CYP2A6: variants seen among roughly 807,000 people sequenced by gnomAD.
CYP2A6 encodes cytochrome P450 2A6.
A neutral mutation model predicts 42.3 loss-of-function variants in CYP2A6; 27 were observed. That is an observed-to-expected ratio of 0.64 (90% CI 0.47 to 0.88). The LOEUF (loss-of-function observed/expected upper bound fraction) is 0.88, where lower values mean the gene tolerates loss of function less well. CYP2A6 is among the 40% of genes least tolerant of loss of function. The pLI is 0.00. For synonymous variants in CYP2A6, 238 were observed against 246.3 expected (o/e 0.97, Z 0.31); for missense variants, 628 against 646.0 (o/e 0.97, Z 0.30).
Position 40,845,290 on chromosome 19 carries a change from G to A in CYP2A6, c.1161+4C>T, listed in dbSNP as rs201588233. 5.0e-6 allele frequency: 8 copies of A among 1,611,608 alleles called. No individual in the cohort carries two copies. In the East Asian group the frequency reaches 1.6e-4, roughly 33 times the overall value. ...GTAGTCTGGGGGGTGGGGGCGGATAGCACCTTAGGGAGGAAGAAATCCCGA... is the reference window on the plus strand; with the variant it reads ...GTAGTCTGGGGGGTGGGGGCGGATAACACCTTAGGGAGGAAGAAATCCCGA... On this transcript the variant is annotated splice_donor_region_variant and intron_variant, in intron 7 of 8. Transcript: ENST00000301141.
In CYP2A6 at chr19:40,850,323, G is replaced by A. The variant is rs377713545; in HGVS notation, c.104C>T (p.Pro35Leu). 1.2e-5 allele frequency: 20 copies of A among 1,609,948 alleles called. 1 individual carries two copies. The highest frequency in any genetic ancestry group is 8.8e-5 in the South Asian group (8 of 90,788). ...QQRKSKGKLP[P>L]GPTPLPFIGN... ...AATGAAGGGCAATGGGGTGGGTCCC[G>A]GAGGCAGCTTCCCCTTGCTCTTCCT... Residue 35 changes from proline (P) to leucine (L), a missense_variant, in exon 1 of 9, where the codon CCG (proline) becomes CTG (leucine). By Grantham distance (98) the Pro-to-Leu change is moderately conservative (BLOSUM62 -3). Transcript: ENST00000301141.
intron 6 of CYP2A6, 97 bp downstream of exon 6, chr19:40,845,859 A>G: frequency 1.3e-6 from 2 of 1,529,918 alleles, no homozygotes; most frequent in East Asian, 2.4e-5. Flanking sequence ...GTCACGTCTC[A>G]GGGTCCCGGG....
At chr19:40,845,823 A>C in intron 6 of CYP2A6, 133 bp downstream of exon 6, 1 of 1,365,142 alleles carries the variant, frequency 7.3e-7, no homozygotes, top group Non-Finnish European at 9.9e-7. Context: ...CTACCAGCTG[A>C]ATGTTGCCCT....
rs560172971 is a variant in CYP2A6, at chr19:40,844,151, A to T, written c.1304-174T>A. Among the ~76,000 whole-genome samples, 4 of 150,946 alleles carry T rather than the reference A, an allele frequency of 2.6e-5. No homozygotes were observed. In the East Asian group the frequency reaches 6.1e-4, roughly 23 times the overall value. ...GAGCCTCAATTTCTTTCTATAAGAGATGTAACAATGGTGAACCAATATTGA... is the reference window on the plus strand; with the variant it reads ...GAGCCTCAATTTCTTTCTATAAGAGTTGTAACAATGGTGAACCAATATTGA... On this transcript the variant is annotated intron_variant, in intron 8 of 8. Transcript: ENST00000301141.
chr19:40,848,591 C>G, intron 3 of CYP2A6, 23 bp downstream of exon 3: 1 of 1,606,642 alleles, frequency 6.2e-7, no homozygotes, highest in Non-Finnish European at 8.5e-7. Context: ...CTCCTGCCCC[C>G]GCACTCGGGG....
chr19:40,848,461 CCT>C (rs1254392942), intron 3 of CYP2A6, 82 bp from the exon 4 acceptor site: 1 of 1,591,940 alleles, frequency 6.3e-7, no homozygotes, highest in African/African-American at 1.4e-5. Flanking sequence ...GGAGGCAGGG[CCT>C]TGTTGAGCCA....
intron 5 of CYP2A6, 72 bp downstream of exon 5, chr19:40,846,803 G>A: frequency 6.3e-7 from 1 of 1,576,078 alleles, no homozygotes; most frequent in Admixed American, 1.7e-5. Context: ...TGTGTCATCT[G>A]CCTGCCCCAC....
intron 5 of CYP2A6, 73 bp from the exon 6 acceptor site, chr19:40,846,170 G>C: frequency 3.2e-6 from 5 of 1,580,858 alleles, no homozygotes; most frequent in Non-Finnish European, 4.3e-6. Context: ...TTTTCCTTTG[G>C]ATCTACCTCT....
intron 2 of CYP2A6, among the ~76,000 whole-genome samples, chr19:40,849,119 A>G (rs565605333): frequency 7.4e-5 from 11 of 148,126 alleles, no homozygotes; most frequent in Middle Eastern, 3.6e-3. Context: ...CAATCAGAAA[A>G]GAAACAGAAA....
At chr19:40,846,121 C>T (rs776976790) in intron 5 of CYP2A6, 24 bp from the exon 6 acceptor site, 1 of 1,610,004 alleles carries the variant, frequency 6.2e-7, no homozygotes, top group South Asian at 1.1e-5. Context: ...GGGCTTTAGG[C>T]CAACCTCACT....
rs2545783 is a variant in CYP2A6, at chr19:40,848,650, C to A, written c.457G>T (p.Ala153Ser). The stretch of plus-strand genomic sequence containing the variant: ...CGGAGGGCGTCGATGAGGAAGCCCG[C>A]CTCCTCCTGGATGCGCTCCTCGATG... ...RGIEERIQEE[A>S]GFLIDALRGT... is the part of the protein sequence containing the mutation. The change falls in exon 3 of 9, where the codon GCG becomes TCG. Residue 153 changes from alanine (A) to serine (S), a missense_variant. This residue lies in a region of CYP2A6 where 606 missense variants were observed against 568.1 expected (regional missense o/e 1.07). Coordinates refer to ENST00000301141, the MANE Select transcript of CYP2A6 (RefSeq NM_000762.6). The A allele has an allele frequency of 3.4e-5, 54 of 1,611,776 alleles. 1 individual carries two copies. Among genetic ancestry groups the A allele is most frequent in the African/African-American group, 1.5e-4 (11 of 74,714 alleles).
chr19:40,845,253 C>G (rs763849009), intron 7 of CYP2A6, 41 bp downstream of exon 7: 15 of 1,608,940 alleles, frequency 9.3e-6, no homozygotes, highest in Non-Finnish European at 1.3e-5. Context: ...CAGAGAGGGG[C>G]TGGAAGTCCC....
At chr19:40,846,187 T>C in intron 5 of CYP2A6, 90 bp from the exon 6 acceptor site, 1 of 1,558,946 alleles carries the variant, frequency 6.4e-7, no homozygotes, top group Non-Finnish European at 8.7e-7. Context: ...CTCTCTTTGG[T>C]TCAGACCAAA....
chr19:40,849,042 A>AGGG (rs1293469202), intron 2 of CYP2A6, among the ~76,000 whole-genome samples: 3 of 43,414 alleles, frequency 6.9e-5, no homozygotes, highest in Non-Finnish European at 1.4e-4. Flanking sequence ...GAGAAGAGAG[A>AGGG]GAGGAGAGAG....
At chr19:40,845,167 G>A (rs572245201) in intron 7 of CYP2A6, 127 bp downstream of exon 7, 2 of 1,199,590 alleles carry the variant, frequency 1.7e-6, no homozygotes, top group African/African-American at 1.5e-5. Flanking sequence ...TGGTGGTTGG[G>A]GAAGTCTTTT....
chr19:40,848,487 A>C, intron 3 of CYP2A6, 108 bp from the exon 4 acceptor site: 2 of 1,582,422 alleles, frequency 1.3e-6, no homozygotes, highest in South Asian at 2.3e-5. Context: ...TCCCAGCGCC[A>C]GACTCCAGGG....
rs2083449602 is a variant in CYP2A6, at chr19:40,845,190, G to T, written c.1161+104C>A. 5 of 1,445,546 alleles carry T rather than the reference G, an allele frequency of 3.5e-6. No individual in the cohort carries two copies. In the South Asian group the frequency reaches 4.7e-5, roughly 13 times the overall value. 89.5% of individuals were successfully genotyped at this position (1,445,546 alleles called of 1,614,324 possible). A position where few individuals can be genotyped will look rare whatever the true frequency, so the allele number is the denominator to read the frequency against. On this transcript the variant is annotated intron_variant, in intron 7 of 8. Coordinates refer to ENST00000301141, the MANE Select transcript of CYP2A6 (RefSeq NM_000762.6). Reference sequence around the variant, plus strand: ...GGGGAAGTCTTTTTTGACTGATTGAGGGAGTGGGACAGGGTCTAGAAAGCT... The same window carrying T: ...GGGGAAGTCTTTTTTGACTGATTGATGGAGTGGGACAGGGTCTAGAAAGCT...
intron 4 of CYP2A6, among the ~76,000 whole-genome samples, chr19:40,847,846 G>A (rs1568515315): frequency 6.6e-6 from 1 of 151,626 alleles, no homozygotes; most frequent in Admixed American, 6.6e-5. Flanking sequence ...GTATGCAGGA[G>A]GCCGGTTGAC....
At chr19:40,845,807 T>A (rs2083453393) in intron 6 of CYP2A6, 149 bp downstream of exon 6, 1 of 1,259,278 alleles carries the variant, frequency 7.9e-7, no homozygotes, top group South Asian at 1.5e-5. Flanking sequence ...GAGACTCAGC[T>A]GATGCCTACC....
Sources: gnomAD v4.1 joint callset for allele counts (sites outside exome capture counted in the v4.1 genomes callset) on GRCh38, gnomAD v4.1.1 for gene constraint, gnomAD v4.1.1 regional missense constraint, MANE v1.5 for transcripts, NCBI Gene and HGNC (gene_info 2026-07-23, HGNC 2026-07-21) for gene names.